The following LARGE1 variants were observed in gnomAD, a reference collection of about 807,000 sequenced individuals.
LARGE1 encodes LARGE xylosyl- and glucuronyltransferase 1.
Under a neutral mutation model 87.6 loss-of-function variants are expected in LARGE1, and 43 were observed. The ratio of observed to expected loss-of-function variants is 0.49; its 90% CI spans 0.38 to 0.63. The LOEUF (loss-of-function observed/expected upper bound fraction) is 0.63. LARGE1 is among the 30% of genes least tolerant of loss of function. LARGE1 has a pLI of 0.00. For missense variants in LARGE1, 802 were observed against 1,000.2 expected (o/e 0.80, Z 2.67); for synonymous variants, 434 against 394.6 (o/e 1.10, Z -1.18).
At chr22:33,791,126 T>C (rs572456939) in intron 1 of LARGE1, among the ~76,000 whole-genome samples, 7 of 152,304 alleles carry the variant, frequency 4.6e-5, no homozygotes, top group East Asian at 3.9e-4. Flanking sequence ...CTTTATTCTA[T>C]AAGTAAATGA....
intron 5 of LARGE1, among the ~76,000 whole-genome samples, chr22:33,595,285 AAATAAG>A (rs1569299245): frequency 6.6e-6 from 1 of 152,158 alleles, no homozygotes; most frequent in Non-Finnish European, 1.5e-5. Flanking sequence ...AGACCACAAT[AAATAAG>A]AATGAGAAGG....
chr22:33,816,812 T>C (rs537778095), intron 1 of LARGE1, among the ~76,000 whole-genome samples: 1 of 152,194 alleles, frequency 6.6e-6, no homozygotes, highest in South Asian at 2.1e-4. Context: ...CCACCAAAAT[T>C]AATATCCTTT....
intron 10 of LARGE1, among the ~76,000 whole-genome samples, chr22:33,336,591 A>G (rs1385300467): frequency 6.6e-6 from 1 of 152,148 alleles, no homozygotes; most frequent in Non-Finnish European, 1.5e-5. Flanking sequence ...TAGTAACTGG[A>G]AGGAATTAAA....
At chr22:33,069,982 A>C in the LARGE1 span, among the ~76,000 whole-genome samples, 2 of 152,110 alleles carry the variant, frequency 1.3e-5, no homozygotes, top group African/African-American at 4.8e-5. Context: ...GCGCCATCGC[A>C]CACCGCTAAT....
At chr22:33,736,766 C>G (rs763768993) in intron 2 of LARGE1, among the ~76,000 whole-genome samples, 1 of 152,166 alleles carries the variant, frequency 6.6e-6, no homozygotes, top group Non-Finnish European at 1.5e-5. Context: ...ACAGCTTTAG[C>G]TCTGATCTTT....
At chr22:33,296,920 G>C (rs1186647706) in intron 12 of LARGE1, among the ~76,000 whole-genome samples, 1 of 152,172 alleles carries the variant, frequency 6.6e-6, no homozygotes, top group Non-Finnish European at 1.5e-5. Flanking sequence ...TACTTAGCCT[G>C]AACGTCCTCA....
Position 33,535,135 on chromosome 22 carries a change from G to A in LARGE1, c.787+29713C>T, listed in dbSNP as rs550213883. Among the ~76,000 whole-genome samples the A allele has an allele frequency of 3.3e-5, 5 of 152,328 alleles. 1 individual carries two copies. In the South Asian group the frequency reaches 1.0e-3, roughly 32 times the overall value. Reference sequence around the variant, plus strand: ...GGGGCTGAGGGGCCTCCCCCGTCAGGGCGTACGCCTTCTGTTCATCTCCTT... The same window carrying A: ...GGGGCTGAGGGGCCTCCCCCGTCAGAGCGTACGCCTTCTGTTCATCTCCTT... On this transcript the variant is annotated intron_variant, in intron 6 of 14. Coordinates refer to ENST00000397394, the MANE Select transcript of LARGE1 (RefSeq NM_133642.5).
chr22:33,096,082 C>A, the LARGE1 span, among the ~76,000 whole-genome samples: 9 of 152,138 alleles, frequency 5.9e-5, no homozygotes, highest in African/African-American at 2.2e-4. Context: ...TTCCTCCACT[C>A]TGTTTTCCTC....
rs183663543 is a variant in LARGE1, at chr22:33,744,431, G to C, written c.106+16940C>G. The C allele has an allele frequency of 1.6e-4, 24 of 152,358 alleles. No homozygotes were observed. In the East Asian group the frequency reaches 4.4e-3, roughly 28 times the overall value. The allele number at this position is 152,358 out of a possible 1,614,324, so 9.4% of individuals were successfully genotyped here. A position where few individuals can be genotyped will look rare whatever the true frequency, so the allele number is the denominator to read the frequency against. ...ACTCCCAGGAGGTGGATGCTCCTCT[G>C]TGATGGGAATGGAATGGGGATGCCT... On this transcript the variant is annotated intron_variant, in intron 2 of 14. Coordinates refer to ENST00000397394, the MANE Select transcript of LARGE1 (RefSeq NM_133642.5).
At chr22:33,550,172 CACACATAT>C (rs979651166) in intron 6 of LARGE1, among the ~76,000 whole-genome samples, 58 of 146,162 alleles carry the variant, frequency 4.0e-4, no homozygotes, top group African/African-American at 1.3e-3. Flanking sequence ...CACACACACA[CACACATAT>C]ATATATATGT....
At chr22:33,230,488 A>C (rs1184086690) in intron 11 of LARGE1, among the ~76,000 whole-genome samples, 1 of 152,204 alleles carries the variant, frequency 6.6e-6, no homozygotes, top group Non-Finnish European at 1.5e-5. Flanking sequence ...AGAGAAAAAA[A>C]CAGTATTTAT....
At chr22:33,135,276 G>A in the LARGE1 span, among the ~76,000 whole-genome samples, 1 of 152,118 alleles carries the variant, frequency 6.6e-6, no homozygotes, top group Non-Finnish European at 1.5e-5. Flanking sequence ...TCCACACATT[G>A]TGCAAAGTTT....
chr22:33,191,348 A>G (rs966844193), intron 11 of LARGE1, among the ~76,000 whole-genome samples: 1 of 152,228 alleles, frequency 6.6e-6, no homozygotes, highest in African/African-American at 2.4e-5. Context: ...GACAGTAAAA[A>G]TAAAATCGCA....
At chr22:33,520,215 C>T (rs147601909) in intron 6 of LARGE1, among the ~76,000 whole-genome samples, 16 of 152,060 alleles carry the variant, frequency 1.1e-4, no homozygotes, top group African/African-American at 3.4e-4. Flanking sequence ...ATGGGGACTA[C>T]AGACGTGTGC....
At chr22:33,295,381 A>T (rs566501054) in intron 12 of LARGE1, among the ~76,000 whole-genome samples, 14 of 152,294 alleles carry the variant, frequency 9.2e-5, no homozygotes, top group African/African-American at 2.9e-4. Flanking sequence ...TGCCTATGTG[A>T]CTTTGGGAGA....
intron 4 of LARGE1, among the ~76,000 whole-genome samples, chr22:33,606,519 G>A (rs1169599140): frequency 1.3e-5 from 2 of 152,038 alleles, no homozygotes; most frequent in African/African-American, 4.8e-5. Context: ...TCGGCCGTCG[G>A]CATGGTCACT....
rs1213436976 is a variant in LARGE1 at position 33,600,742 on chromosome 22, A to G, written c.615+3693T>C. ...GAGCCAGCGTCCGCAGAGAGATGTGACTCGGTTAAGAACTGTGGCCTCAGC... is the reference window on the plus strand; with the variant it reads ...GAGCCAGCGTCCGCAGAGAGATGTGGCTCGGTTAAGAACTGTGGCCTCAGC... On this transcript the variant is annotated intron_variant, in intron 5 of 14. Transcript: ENST00000397394. Among the ~76,000 whole-genome samples the G allele has an allele frequency of 2.6e-5, 4 of 152,204 alleles. No individual in the cohort carries two copies. In the East Asian group the frequency reaches 7.7e-4, roughly 29 times the overall value.
chr22:33,889,827 A>G lies in LARGE1; in HGVS notation c.-83+30168T>C, dbSNP rs371545312. Among the ~76,000 whole-genome samples the G allele has an allele frequency of 9.2e-5, 14 of 152,368 alleles. No homozygotes were observed. In the Middle Eastern group the frequency reaches 0.01, roughly 111 times the overall value. ...TCATTCATAACTTTCTGAGTGTTCA[A>G]TGAGGGAAGGATGTGAAGCTCGGTG... is the stretch of plus-strand genomic sequence containing the variant. On this transcript the variant is annotated intron_variant, in intron 1 of 14. Transcript: ENST00000397394.
chr22:33,638,283 T>C (rs2080327783), intron 3 of LARGE1, among the ~76,000 whole-genome samples: 1 of 152,242 alleles, frequency 6.6e-6, no homozygotes. Context: ...TCAAGTTTTA[T>C]AAACATGTTG....
Sources: allele counts gnomAD v4.1 joint callset (sites outside exome capture counted in the v4.1 genomes callset), GRCh38; gene constraint gnomAD v4.1.1; transcripts MANE v1.5; gene names NCBI Gene and HGNC (gene_info 2026-07-23, HGNC 2026-07-21).